TPT1: variants seen among roughly 807,000 people sequenced by gnomAD.
The protein encoded by TPT1 is tumor protein, translationally-controlled 1.
TPT1 carries 5 observed loss-of-function variants against 22.8 expected under a neutral mutation model. The ratio of observed to expected loss-of-function variants is 0.22; its 90% CI spans 0.11 to 0.46. The LOEUF (loss-of-function observed/expected upper bound fraction) is 0.46, where lower values mean the gene tolerates loss of function less well. TPT1 is among the 20% of genes least tolerant of loss of function. The pLI, the probability that TPT1 is intolerant of heterozygous loss-of-function variation, is 0.99. For synonymous variants in TPT1, 89 were observed against 73.6 expected (o/e 1.21, Z -1.07); for missense variants, 130 against 218.7 (o/e 0.59, Z 2.56).
chr13:45,337,506 C>A, intron 5 of TPT1, 118 bp from the exon 6 acceptor site: 1 of 1,613,970 alleles, frequency 6.2e-7, no homozygotes, highest in Non-Finnish European at 8.5e-7. Context: ...TCAATCTGGG[C>A]CGCCACAAAG....
chr13:45,338,627 ATTAT>A (rs749456049), intron 5 of TPT1, 29 bp downstream of exon 5: 121 of 1,600,308 alleles, frequency 7.6e-5, no homozygotes, highest in Non-Finnish European at 9.4e-5. Context: ...TCTTTTTTAC[ATTAT>A]TTATTTTAAC....
In TPT1 at chr13:45,335,480, G is replaced by C. The variant is rs941933079; in HGVS notation, c.*1906C>G. The stretch of plus-strand genomic sequence containing the variant: ...GCTTCCAAGGCTAGTTCACCAATTA[G>C]CTTCCATCTCTCACCTCAAGGCCTT... On this transcript the variant is annotated 3_prime_UTR_variant, in exon 6 of 6. Coordinates refer to ENST00000530705, the MANE Select transcript of TPT1 (RefSeq NM_003295.4). The C allele has an allele frequency of 6.6e-6, 1 of 152,308 alleles. No individual in the cohort carries two copies. Among genetic ancestry groups the C allele is most frequent in the Non-Finnish European group, 1.5e-5 (1 of 68,044 alleles). 9.4% of individuals were successfully genotyped at this position (152,308 alleles called of 1,614,324 possible). A position where few individuals can be genotyped will look rare whatever the true frequency, so the allele number is the denominator to read the frequency against.
chr13:45,336,898 C>G lies in TPT1; in HGVS notation c.*488G>C, dbSNP rs1474448997. On this transcript the variant is annotated 3_prime_UTR_variant, in exon 6 of 6. Coordinates refer to ENST00000530705, the MANE Select transcript of TPT1 (RefSeq NM_003295.4). ...CACTGAATGAGTCTCTTTTTATTCTCTTGGTAATCTCTTCCAGTTAACTAC... is the reference window on the plus strand; with the variant it reads ...CACTGAATGAGTCTCTTTTTATTCTGTTGGTAATCTCTTCCAGTTAACTAC... 1 of 155,870 alleles carries G rather than the reference C, an allele frequency of 6.4e-6. No homozygotes were observed. Among genetic ancestry groups the G allele is most frequent in the African/African-American group, 2.4e-5 (1 of 41,462 alleles). 9.7% of individuals were successfully genotyped at this position (155,870 alleles called of 1,614,324 possible).
At position 45,336,832 on chromosome 13, in the gene TPT1, T is replaced by G. The variant is rs970521574; in HGVS notation, c.*554A>C. 4 of 154,054 alleles carry G rather than the reference T, an allele frequency of 2.6e-5. No homozygotes were observed. Among genetic ancestry groups the G allele is most frequent in the African/African-American group, 9.6e-5 (4 of 41,464 alleles). 9.5% of individuals were successfully genotyped at this position (154,054 alleles called of 1,614,324 possible). A position where few individuals can be genotyped will look rare whatever the true frequency, so the allele number is the denominator to read the frequency against. On this transcript the variant is annotated 3_prime_UTR_variant, in exon 6 of 6. Coordinates refer to ENST00000530705, the MANE Select transcript of TPT1 (RefSeq NM_003295.4). ...TAATTAACATTCATCCCAAAAGACT[T>G]CGCTCTCTTTATGTGAAATAAGCTG...
Position 45,341,172 on chromosome 13 carries a change from C to T in TPT1, c.-103G>A. The T allele has an allele frequency of 6.5e-7, 1 of 1,527,054 alleles. No homozygotes were observed. Among genetic ancestry groups the T allele is most frequent in the Non-Finnish European group, 8.9e-7 (1 of 1,122,180 alleles). 94.6% of individuals were successfully genotyped at this position (1,527,054 alleles called of 1,614,324 possible). A position where few individuals can be genotyped will look rare whatever the true frequency, so the allele number is the denominator to read the frequency against. ...AGCGGCGCTCGGGGGGAGGGGGGAG[C>T]GGGCGGAAAAGGCCGACTCAGCCGC... On this transcript the variant is annotated 5_prime_UTR_variant, in exon 1 of 6. Coordinates refer to ENST00000530705, the MANE Select transcript of TPT1 (RefSeq NM_003295.4).
rs1280148216 is a variant in TPT1 at position 45,341,055 on chromosome 13, C to G, written c.15G>C (p.Arg5=). Residue 5 remains arginine (R), a synonymous_variant, in exon 1 of 6, where the codon CGG becomes CGC. Transcript: ENST00000530705. MIIY[R]DLISHDEMFS... ...GTGAGGACTCACGGCTGATGAGGTC[C>G]CGGTAGATAATCATGATGGCGACTG... The G allele has an allele frequency of 6.2e-7, 1 of 1,613,326 alleles. No homozygotes were observed. The highest frequency in any genetic ancestry group is 2.2e-5 in the East Asian group (1 of 44,826).
chr13:45,340,859 C>A, intron 1 of TPT1, 74 bp from the exon 2 acceptor site: 1 of 1,464,314 alleles, frequency 6.8e-7, no homozygotes, highest in Non-Finnish European at 9.0e-7. Context: ...CGCCGGCGGC[C>A]GCACGCGGGA....
chr13:45,341,119 A>C lies in TPT1; in HGVS notation c.-50T>G. The C allele has an allele frequency of 3.1e-6, 5 of 1,607,874 alleles. No individual in the cohort carries two copies. The highest frequency in any genetic ancestry group is 4.2e-6 in the Non-Finnish European group (5 of 1,177,204). On this transcript the variant is annotated 5_prime_UTR_variant, in exon 1 of 6. Transcript: ENST00000530705. ...ACGGCGCTAGCTTAGCACGAGCCTG[A>C]AACTCGGAGCGAGCGCGGTGCAGCC...
rs201508986 is a variant in TPT1, at chr13:45,340,772, G to A, written c.42C>T (p.Phe14=). ...YRDLISHDEM[F]SDIYKIREIA... ...TCTCCCGGATCTTGTAGATGTCGGAGAACATCTCATCGTCTGCCGGATACA... is the reference window on the plus strand; with the variant it reads ...TCTCCCGGATCTTGTAGATGTCGGAAAACATCTCATCGTCTGCCGGATACA... Residue 14 remains phenylalanine, a synonymous_variant, in exon 2 of 6, where the codon TTC becomes TTT. Coordinates refer to ENST00000530705, the MANE Select transcript of TPT1 (RefSeq NM_003295.4). The A allele has an allele frequency of 4.6e-5, 70 of 1,516,482 alleles. No individual in the cohort carries two copies. The East Asian group carries it at 1.3e-3, about 29-fold the overall frequency. 93.9% of individuals were successfully genotyped at this position (1,516,482 alleles called of 1,614,324 possible).
At chr13:45,339,898 A>C in intron 3 of TPT1, 96 bp downstream of exon 3, 9 of 1,386,930 alleles carry the variant, frequency 6.5e-6, no homozygotes, top group Non-Finnish European at 8.8e-6. Flanking sequence ...GGACTTTCAC[A>C]AAAGTATACC....
At chr13:45,339,792 T>C (rs1405501686) in intron 3 of TPT1, 190 bp from the exon 4 acceptor site, 3 of 752,238 alleles carry the variant, frequency 4.0e-6, no homozygotes, top group Non-Finnish European at 6.3e-6. Flanking sequence ...CAAAATACTA[T>C]TCTAATTCTA....
intron 1 of TPT1, 108 bp downstream of exon 1, chr13:45,340,934 C>T (rs1466861408): frequency 6.5e-7 from 1 of 1,539,398 alleles, no homozygotes; most frequent in Non-Finnish European, 8.8e-7. Flanking sequence ...CCGCGCTCGG[C>T]TAAGACCGCC....
rs1288048243 is a variant in TPT1, at chr13:45,340,509, C to A, written c.102+203G>T. On this transcript the variant is annotated intron_variant, in intron 2 of 5. Coordinates refer to ENST00000530705, the MANE Select transcript of TPT1 (RefSeq NM_003295.4). ...GGAAGCATCATGTCCCGGACAACCC[C>A]GGGAGGAGGATGGGCGCCGAGGCGG... 7 of 773,704 alleles carry A rather than the reference C, an allele frequency of 9.0e-6. No individual in the cohort carries two copies. The Admixed American group carries it at 1.4e-4, about 15-fold the overall frequency. 47.9% of individuals were successfully genotyped at this position (773,704 alleles called of 1,614,324 possible).
Position 45,340,972 on chromosome 13 carries a change from G to A in TPT1, c.28+70C>T, listed in dbSNP as rs1879084359. The A allele has an allele frequency of 3.8e-6, 6 of 1,565,316 alleles. No homozygotes were observed. In the Admixed American group the frequency reaches 9.5e-5, roughly 25 times the overall value. On this transcript the variant is annotated intron_variant, in intron 1 of 5. Coordinates refer to ENST00000530705, the MANE Select transcript of TPT1 (RefSeq NM_003295.4). ...CGTCCCCTAGGCCCGCGACGGCTGCGCCTTCCCCGCCCCCACCCGCACCCC... is the reference window on the plus strand; with the variant it reads ...CGTCCCCTAGGCCCGCGACGGCTGCACCTTCCCCGCCCCCACCCGCACCCC...
chr13:45,337,567 AAAG>A (rs752699953), intron 5 of TPT1, 179 bp from the exon 6 acceptor site: 16 of 1,609,178 alleles, frequency 9.9e-6, no homozygotes, highest in Non-Finnish European at 1.3e-5. Context: ...GTGCAAACCA[AAAG>A]AACAACAGTA....
intron 5 of TPT1, chr13:45,337,632 T>C (rs1878794241): frequency 6.8e-7 from 1 of 1,479,030 alleles, no homozygotes; most frequent in East Asian, 2.3e-5. Context: ...AAATCAGCGG[T>C]AGCTCATTTT....
rs758316092 is a variant in TPT1, at chr13:45,340,026, G to A, written c.261C>T (p.Ala87=). Residue 87 remains alanine (A), a synonymous_variant, in exon 3 of 6, where the codon GCC becomes GCT. Coordinates refer to ENST00000530705, the MANE Select transcript of TPT1 (RefSeq NM_003295.4). ...TGTAATCTTTGATGTACTTCTTGTAGGCTTCTTTTGTGAAACTTGTTTCCT... is the reference window on the plus strand; with the variant it reads ...TGTAATCTTTGATGTACTTCTTGTAAGCTTCTTTTGTGAAACTTGTTTCCT... ...HLQETSFTKE[A]YKKYIKDYMK... 1.8e-5 allele frequency: 29 copies of A among 1,613,964 alleles called. No individual in the cohort carries two copies. The highest frequency in any genetic ancestry group is 2.4e-5 in the Non-Finnish European group (28 of 1,180,000).
At chr13:45,340,668 C>G (rs1240427424) in intron 2 of TPT1, 44 bp downstream of exon 2, 1 of 1,552,902 alleles carries the variant, frequency 6.4e-7, no homozygotes, top group Non-Finnish European at 8.7e-7. Flanking sequence ...AAACCCGAGC[C>G]CGCTCGGCCC....
rs924738795 is a variant in TPT1 at position 45,337,255 on chromosome 13, TCA to T, written c.*129_*130del. 1.7e-4 allele frequency: 156 copies of T among 899,434 alleles called. No homozygotes were observed. Among genetic ancestry groups the T allele is most frequent in the African/African-American group, 1.0e-3 (61 of 59,680 alleles). The allele number at this position is 899,434 out of a possible 1,614,324, so 55.7% of individuals were successfully genotyped here. ...AAACAATGCCTCCACTCCAAATAAATCACAGTCAAAATAAATGAAGAGCTCAA... is the reference window on the plus strand; with the variant it reads ...AAACAATGCCTCCACTCCAAATAAATCAGTCAAAATAAATGAAGAGCTCAA... On this transcript the variant is annotated 3_prime_UTR_variant, in exon 6 of 6. Coordinates refer to ENST00000530705, the MANE Select transcript of TPT1 (RefSeq NM_003295.4).
Sources: gnomAD v4.1 joint callset for allele counts on GRCh38, gnomAD v4.1.1 for gene constraint, MANE v1.5 for transcripts, NCBI Gene and HGNC (gene_info 2026-07-23, HGNC 2026-07-21) for gene names.